The following INTS12 variants were observed in gnomAD, a reference collection of about 807,000 sequenced individuals.
The protein encoded by INTS12 is PHD finger protein 22.
Under a neutral mutation model 41.6 loss-of-function variants are expected in INTS12, and 13 were observed. That is an observed-to-expected ratio of 0.31 (90% confidence interval 0.20 to 0.50). The LOEUF (loss-of-function observed/expected upper bound fraction) is 0.50, where lower values mean the gene tolerates loss of function less well. Among genes scored for constraint, INTS12 ranks in the 20% least tolerant of loss-of-function variants. The pLI, the probability that INTS12 is intolerant of heterozygous loss-of-function variation, is 0.98. For missense variants in INTS12, 432 were observed against 541.6 expected (o/e 0.80, Z 2.01); for synonymous variants, 199 against 191.4 (o/e 1.04, Z -0.33).
At chr4:105,699,012 A>T (rs1199428422) in intron 3 of INTS12, among the ~76,000 whole-genome samples, 5 of 152,232 alleles carry the variant, frequency 3.3e-5, no homozygotes, top group Non-Finnish European at 5.9e-5. Flanking sequence ...ATTCAGTGAC[A>T]GCCTATTATG....
chr4:105,689,231 G>C (rs1731598710), intron 6 of INTS12, among the ~76,000 whole-genome samples: 1 of 152,288 alleles, frequency 6.6e-6, no homozygotes, highest in Non-Finnish European at 1.5e-5. Context: ...TTCTTAACTA[G>C]GTCTTCCTAC....
At chr4:105,699,814 C>A in intron 3 of INTS12, 36 bp downstream of exon 3, 1 of 1,444,654 alleles carries the variant, frequency 6.9e-7, no homozygotes, top group Non-Finnish European at 9.3e-7. Context: ...ACAGGCCTTA[C>A]AAAACTCTCT....
Position 105,693,487 on chromosome 4 carries a change from C to G in INTS12, c.310-1G>C. 1 of 1,600,948 alleles carries G rather than the reference C, an allele frequency of 6.2e-7. No individual in the cohort carries two copies. The highest frequency in any genetic ancestry group is 8.5e-7 in the Non-Finnish European group (1 of 1,169,766). On this transcript the variant is annotated splice_acceptor_variant, in intron 4 of 7. Transcript: ENST00000340139. LOFTEE classifies it high-confidence loss of function. ...CTCCTTCAGTGATGTCTGATTTCAT[C>G]TATAAAAAGCAGGCATCAGAAAATG...
Position 105,695,527 on chromosome 4 carries a change from G to A in INTS12, c.298C>T (p.Pro100Ser). The A allele has an allele frequency of 6.3e-7, 1 of 1,599,372 alleles. No homozygotes were observed. Among genetic ancestry groups the A allele is most frequent in the Non-Finnish European group, 8.5e-7 (1 of 1,175,760 alleles). ...AAATAAAATCTTACTTTATCAGCAG[G>A]TCTCTTTTCAGCTTCCTTCTTTACC... is the stretch of plus-strand genomic sequence containing the variant. ...EKVKKEAEKRPADKMKSDITE... is the reference protein window; with the variant it reads ...EKVKKEAEKRSADKMKSDITE... Residue 100 changes from proline to serine, a missense_variant, in exon 4 of 8, where the codon CCT (proline) becomes TCT (serine). Pro to Ser is a moderately conservative substitution (Grantham distance 74, BLOSUM62 -1). Around this residue, in one of 3 missense-constraint regions of INTS12, gnomAD observed 168 missense variants for 198.9 expected, o/e 0.84. Transcript: ENST00000340139.
chr4:105,693,444 GT>G lies in INTS12; in HGVS notation c.351del (p.Lys117AsnfsTer52), dbSNP rs748674365. 1 of 1,613,354 alleles carries G rather than the reference GT, an allele frequency of 6.2e-7. No individual in the cohort carries two copies. The highest frequency in any genetic ancestry group is 1.7e-5 in the Admixed American group (1 of 60,002). On this transcript the variant is annotated frameshift_variant, in exon 5 of 8. Transcript: ENST00000340139. LOFTEE classifies it high-confidence loss of function. ...DITEGVDIPKKPRLEKPETQS... is the reference protein window; with the variant it reads ...DITEGVDIPKXPRLEKPETQS... ...TGTGTTTCTGGTTTCTCCAATCTAG[GT>G]TTCTTTGGAATATCAACTCCTTCAG... is the stretch of plus-strand genomic sequence containing the variant.
chr4:105,684,027 T>C (rs1731418176), intron 7 of INTS12, among the ~76,000 whole-genome samples: 1 of 152,192 alleles, frequency 6.6e-6, no homozygotes, highest in Non-Finnish European at 1.5e-5. Context: ...AAGAGTCTCC[T>C]GCTCCTTTAA....
At chr4:105,697,323 G>C (rs1731901865) in intron 3 of INTS12, among the ~76,000 whole-genome samples, 1 of 152,216 alleles carries the variant, frequency 6.6e-6, no homozygotes, top group African/African-American at 2.4e-5. Flanking sequence ...TAAGGCAGCT[G>C]AGTGCAGTCT....
chr4:105,707,443 A>G (rs528747517), intron 1 of INTS12, among the ~76,000 whole-genome samples: 2 of 152,038 alleles, frequency 1.3e-5, no homozygotes, highest in African/African-American at 4.8e-5. Context: ...AATAATGGCT[A>G]TAGAATTACT....
chr4:105,702,296 C>T (rs978852835), intron 2 of INTS12, among the ~76,000 whole-genome samples: 12 of 151,824 alleles, frequency 7.9e-5, no homozygotes, highest in African/African-American at 9.6e-5. Context: ...CCACCACACC[C>T]GGCTAATTTT....
rs554175627 is a variant in INTS12, at chr4:105,683,293, A to G, written c.829T>C (p.Ser277Pro). The change falls in exon 8 of 8, where the codon TCT becomes CCT. Residue 277 changes from serine (S) to proline (P), a missense_variant. Transcript: ENST00000340139. Reference sequence around the variant, plus strand: ...GACGAGGAAACGCTGGCACTAGAAGAATTTCCTGAAATAACTGTGGATGTC... The same window carrying G: ...GACGAGGAAACGCTGGCACTAGAAGGATTTCCTGAAATAACTGTGGATGTC... ...VKTSTVISGN[S>P]SSASVSSSVT... is the part of the protein sequence containing the mutation. 7 of 1,611,486 alleles carry G rather than the reference A, an allele frequency of 4.3e-6. No individual in the cohort carries two copies. The highest frequency in any genetic ancestry group is 5.9e-6 in the Non-Finnish European group (7 of 1,178,896).
chr4:105,707,316 A>ATTT (rs34994709), intron 1 of INTS12, among the ~76,000 whole-genome samples: 1 of 140,710 alleles, frequency 7.1e-6, no homozygotes, highest in African/African-American at 2.6e-5. Flanking sequence ...CCCTTGAAGC[A>ATTT]TTTTTTTTTT....
At chr4:105,707,958 C>T (rs2149197235) in intron 1 of INTS12, 2 of 985,356 alleles carry the variant, frequency 2.0e-6, no homozygotes, top group Non-Finnish European at 2.4e-6. Flanking sequence ...ATCATATGCA[C>T]GTGCCCCAGA....
At chr4:105,687,097 A>G (rs1044587865) in intron 6 of INTS12, 1 of 404,584 alleles carries the variant, frequency 2.5e-6, no homozygotes, top group African/African-American at 2.1e-5. Flanking sequence ...ATACCATTTT[A>G]ACAAGATAAA....
chr4:105,704,134 C>CT (rs1157541585), intron 1 of INTS12, among the ~76,000 whole-genome samples: 1 of 151,652 alleles, frequency 6.6e-6, no homozygotes, highest in Non-Finnish European at 1.5e-5. Context: ...CTTTTGTACT[C>CT]TTTTTCTTCA....
chr4:105,700,433 G>A (rs1487606428), intron 2 of INTS12, among the ~76,000 whole-genome samples: 2 of 152,048 alleles, frequency 1.3e-5, no homozygotes, highest in Non-Finnish European at 2.9e-5. Flanking sequence ...GACTTAGTGT[G>A]CAGGTGTTTG....
intron 1 of INTS12, chr4:105,707,886 T>A: frequency 1.2e-6 from 1 of 815,528 alleles, no homozygotes; most frequent in Non-Finnish European, 1.5e-6. Flanking sequence ...AATATAAGTA[T>A]GTGCTTTCTC....
At chr4:105,695,070 A>T (rs1444268976) in intron 4 of INTS12, among the ~76,000 whole-genome samples, 5 of 122,714 alleles carry the variant, frequency 4.1e-5, no homozygotes, top group Non-Finnish European at 8.2e-5. Context: ...CTGGGACTAC[A>T]GGTGCATGCC....
Position 105,708,663 on chromosome 4 carries a change from T to C in INTS12, c.-197A>G. On this transcript the variant is annotated 5_prime_UTR_variant, in exon 1 of 8. Transcript: ENST00000340139. The stretch of plus-strand genomic sequence containing the variant: ...CGTTCCGCCCCGCCCTGCCGATCCG[T>C]CTGTTCCCGGTGGTCCCTTCGGAAA... 1.1e-6 allele frequency: 1 copy of C among 948,830 alleles called. No homozygotes were observed. The highest frequency in any genetic ancestry group is 4.9e-5 in the South Asian group (1 of 20,556). 58.8% of individuals were successfully genotyped at this position (948,830 alleles called of 1,614,324 possible). A position where few individuals can be genotyped will look rare whatever the true frequency, so the allele number is the denominator to read the frequency against.
At chr4:105,693,703 A>G (rs1430236058) in intron 4 of INTS12, among the ~76,000 whole-genome samples, 3 of 152,230 alleles carry the variant, frequency 2.0e-5, no homozygotes, top group African/African-American at 7.2e-5. Context: ...AAATAAATAA[A>G]TCAGAACAGT....
Sources: gnomAD v4.1 joint callset for allele counts (sites outside exome capture counted in the v4.1 genomes callset) on GRCh38, gnomAD v4.1.1 for gene constraint, gnomAD v4.1.1 regional missense constraint, MANE v1.5 for transcripts, NCBI Gene and HGNC (gene_info 2026-07-23, HGNC 2026-07-21) for gene names.